Variants in VWC2 observed in about 807,000 individuals in gnomAD.
VWC2 encodes the protein brorin.
Under a neutral mutation model 29.8 loss-of-function variants are expected in VWC2, and 14 were observed. The ratio of observed to expected loss-of-function variants is 0.47; its 90% CI spans 0.31 to 0.74. The LOEUF is 0.74. Ranked by LOEUF, VWC2 falls within the 30% of genes least tolerant of loss-of-function variation. The pLI, the probability that VWC2 is intolerant of heterozygous loss-of-function variation, is 0.05. For synonymous variants in VWC2, 213 were observed against 199.0 expected (o/e 1.07, Z -0.59); for missense variants, 457 against 459.8 (o/e 0.99, Z 0.05).
At position 49,802,756 on chromosome 7, in the gene VWC2, C is replaced by G; in HGVS notation, c.742C>G (p.Leu248Val). The G allele has an allele frequency of 6.2e-7, 1 of 1,614,242 alleles. No homozygotes were observed. The highest frequency in any genetic ancestry group is 8.5e-7 in the Non-Finnish European group (1 of 1,180,048). ...TCGCTGTGAAGCCAACGGTGAGGTG[C>G]TATGCACAGTGTCAGCGTGTCCCCA... ...RCRCEANGEV[L>V]CTVSACPQTE... The change falls in exon 3 of 4, where the codon CTA becomes GTA. Residue 248 changes from leucine (L) to valine (V), a missense_variant. Physicochemically the swap from Leu to Val is conservative, Grantham distance 32. Around this residue, in one of 2 missense-constraint regions of VWC2, gnomAD observed 185 missense variants for 257.1 expected, o/e 0.72. Coordinates refer to ENST00000340652, the MANE Select transcript of VWC2 (RefSeq NM_198570.5).
intron 2 of VWC2, among the ~76,000 whole-genome samples, chr7:49,799,451 T>A (rs868868220): frequency 5.9e-5 from 9 of 152,354 alleles, no homozygotes; most frequent in Middle Eastern, 3.4e-3. Flanking sequence ...GGCTGGCATC[T>A]GAGGGACTCA....
At chr7:49,877,483 T>TAC (rs1562747776) in intron 3 of VWC2, among the ~76,000 whole-genome samples, 2 of 10,476 alleles carry the variant, frequency 1.9e-4, no homozygotes, top group African/African-American at 4.0e-4. Flanking sequence ...AAAAAAAAAA[T>TAC]ATATATATAT....
intron 3 of VWC2, among the ~76,000 whole-genome samples, chr7:49,883,233 A>G (rs1791750482): frequency 6.6e-6 from 1 of 152,116 alleles, no homozygotes; most frequent in Admixed American, 6.6e-5. Context: ...AGCGGAACCT[A>G]ACCCAGGGAG....
At chr7:49,881,263 AT>A (rs938322875) in intron 3 of VWC2, among the ~76,000 whole-genome samples, 2 of 152,042 alleles carry the variant, frequency 1.3e-5, no homozygotes, top group African/African-American at 4.8e-5. Flanking sequence ...CTTTTGTTCC[AT>A]TTGTTTCATC....
In VWC2 at chr7:49,786,064, G is replaced by A. The variant is rs554044241; in HGVS notation, c.696+9933G>A. Among the ~76,000 whole-genome samples, 8 of 152,238 alleles carry A rather than the reference G, an allele frequency of 5.3e-5. 1 individual carries two copies. The South Asian group carries it at 1.7e-3, about 32-fold the overall frequency. On this transcript the variant is annotated intron_variant, in intron 2 of 3. Transcript: ENST00000340652. The stretch of plus-strand genomic sequence containing the variant: ...TATATAGTGTGATGCTGAGGTTTGG[G>A]ATAAGAATGATCACATCACTCAGGT...
intron 3 of VWC2, among the ~76,000 whole-genome samples, chr7:49,902,659 T>C (rs1531870): frequency 0.67 from 101,671 of 151,548 alleles, 34,550 homozygotes; most frequent in East Asian, 0.88. Context: ...TATAACATTC[T>C]TATGAAATAA....
chr7:49,893,236 G>A (rs1200595314), intron 3 of VWC2, among the ~76,000 whole-genome samples: 1 of 152,148 alleles, frequency 6.6e-6, no homozygotes, highest in Non-Finnish European at 1.5e-5. Flanking sequence ...TAATCAAGGA[G>A]TTATGCACTA....
At chr7:49,838,617 C>G (rs1408853455) in intron 3 of VWC2, among the ~76,000 whole-genome samples, 3 of 151,880 alleles carry the variant, frequency 2.0e-5, no homozygotes, top group East Asian at 1.9e-4. Flanking sequence ...GTAGACGATG[C>G]CCTTGGAGTA....
intron 2 of VWC2, 36 bp downstream of exon 2, chr7:49,776,167 T>A (rs2128700484): frequency 6.8e-7 from 1 of 1,468,588 alleles, no homozygotes; most frequent in East Asian, 2.5e-5. Context: ...ACTTTGCACC[T>A]TCCAGGAAGG....
In VWC2 at chr7:49,775,409, CG is replaced by C; in HGVS notation, c.-26del. 2.5e-6 allele frequency: 3 copies of C among 1,216,704 alleles called. No individual in the cohort carries two copies. Among genetic ancestry groups the C allele is most frequent in the Non-Finnish European group, 3.2e-6 (3 of 944,530 alleles). The allele number at this position is 1,216,704 out of a possible 1,614,324, so 75.4% of individuals were successfully genotyped here. A position where few individuals can be genotyped will look rare whatever the true frequency, so the allele number is the denominator to read the frequency against. Reference sequence around the variant, plus strand: ...TCGCCCCTCGGCCGCGCTCCCCGCCCGCCCGCCCGCCGGGACGTGGTAGGGG... The same window carrying C: ...TCGCCCCTCGGCCGCGCTCCCCGCCCCCCGCCCGCCGGGACGTGGTAGGGG... On this transcript the variant is annotated 5_prime_UTR_variant, in exon 2 of 4. It removes the in-frame stop codon of an upstream open reading frame in the 5' UTR. Coordinates refer to ENST00000340652, the MANE Select transcript of VWC2 (RefSeq NM_198570.5).
At chr7:49,886,960 G>C (rs545887455) in intron 3 of VWC2, among the ~76,000 whole-genome samples, 79 of 150,916 alleles carry the variant, frequency 5.2e-4, no homozygotes, top group Middle Eastern at 6.8e-3. Flanking sequence ...CTTTTGACTT[G>C]TCTTGTTTGC....
intron 2 of VWC2, among the ~76,000 whole-genome samples, chr7:49,795,338 G>C (rs1483146816): frequency 1.3e-5 from 2 of 152,240 alleles, no homozygotes; most frequent in Non-Finnish European, 2.9e-5. Flanking sequence ...GAGTAGAGCA[G>C]AGAGTTAGAC....
chr7:49,898,589 CAT>C (rs907966856), intron 3 of VWC2, among the ~76,000 whole-genome samples: 1 of 151,916 alleles, frequency 6.6e-6, no homozygotes, highest in Non-Finnish European at 1.5e-5. Flanking sequence ...TACACACACA[CAT>C]ATCATAAGCA....
chr7:49,831,758 A>G (rs974158071), intron 3 of VWC2, among the ~76,000 whole-genome samples: 1 of 152,228 alleles, frequency 6.6e-6, no homozygotes, highest in East Asian at 1.9e-4. Context: ...CAAAATAAAA[A>G]CATAAACCCA....
chr7:49,803,665 T>A (rs895948998), intron 3 of VWC2, among the ~76,000 whole-genome samples: 2 of 152,168 alleles, frequency 1.3e-5, no homozygotes, highest in Non-Finnish European at 2.9e-5. Context: ...TAACTTGTGA[T>A]GCTGTCGGCC....
rs536798903 is a variant in VWC2, at chr7:49,804,697, T to C, written c.826+1857T>C. Among the ~76,000 whole-genome samples, 8 of 152,330 alleles carry C rather than the reference T, an allele frequency of 5.3e-5. No homozygotes were observed. The South Asian group carries it at 1.7e-3, about 32-fold the overall frequency. On this transcript the variant is annotated intron_variant, in intron 3 of 3. Transcript: ENST00000340652. Reference sequence around the variant, plus strand: ...AAACCTACAGAAAAGTTGAAATAACTGTCCAGTGAACAATTGTATACCTTT... The same window carrying C: ...AAACCTACAGAAAAGTTGAAATAACCGTCCAGTGAACAATTGTATACCTTT...
intron 3 of VWC2, among the ~76,000 whole-genome samples, chr7:49,844,795 C>T (rs1037036638): frequency 6.6e-6 from 1 of 152,068 alleles, no homozygotes; most frequent in East Asian, 1.9e-4. Context: ...TGGGTTCAAG[C>T]GATTCTCCTG....
In VWC2 at chr7:49,878,551, G is replaced by A. The variant is rs1197715208; in HGVS notation, c.827-33483G>A. Among the ~76,000 whole-genome samples the A allele has an allele frequency of 3.9e-5, 6 of 152,014 alleles. No individual in the cohort carries two copies. The South Asian group carries it at 1.2e-3, about 31-fold the overall frequency. The stretch of plus-strand genomic sequence containing the variant: ...TTTTTTCACTGTCTCCTGACTCCCA[G>A]CTCTCAACGCTCGGTCTACTTTTTG... On this transcript the variant is annotated intron_variant, in intron 3 of 3. Transcript: ENST00000340652.
chr7:49,845,661 G>A (rs1474017594), intron 3 of VWC2, among the ~76,000 whole-genome samples: 3 of 151,190 alleles, frequency 2.0e-5, no homozygotes, highest in Admixed American at 6.6e-5. Context: ...ACCAACCTTC[G>A]GTGATACTTC....
Sources: gnomAD v4.1 joint callset for allele counts (sites outside exome capture counted in the v4.1 genomes callset) on GRCh38, gnomAD v4.1.1 for gene constraint, gnomAD v4.1.1 regional missense constraint, MANE v1.5 for transcripts, NCBI Gene and HGNC (gene_info 2026-07-23, HGNC 2026-07-21) for gene names.